Variants in ERBB2 observed in about 807,000 individuals in gnomAD.
ERBB2 encodes erb-b2 receptor tyrosine kinase 2.
In ERBB2, 61 loss-of-function variants were observed where a neutral mutation model predicts 149.0. The observed-to-expected ratio is 0.41, with a 90% CI of 0.33 to 0.51. The LOEUF (loss-of-function observed/expected upper bound fraction) is 0.51. ERBB2 is among the 20% of genes least tolerant of loss of function. The pLI is 0.25. For missense variants in ERBB2, 1,205 were observed against 1,655.1 expected (o/e 0.73, Z 4.72); for synonymous variants, 633 against 678.8 (o/e 0.93, Z 1.05).
chr17:39,694,772 G>A (rs1476179899), upstream of ERBB2: 1 of 152,216 alleles, frequency 6.6e-6, no homozygotes, highest in Non-Finnish European at 1.5e-5. Context: ...AGCAAGTCGA[G>A]TGAGCAAGTG....
At chr17:39,689,187 T>C (rs1358455841) in intron 2 of ERBB2, among the ~76,000 whole-genome samples, 1 of 152,202 alleles carries the variant, frequency 6.6e-6, no homozygotes, top group Non-Finnish European at 1.5e-5. Flanking sequence ...AGTCCTTAGC[T>C]CTAGCACCTT....
At position 39,723,359 on chromosome 17, in the gene ERBB2, C is replaced by T. The variant is rs2145803609; in HGVS notation, c.1987C>T (p.Leu663=). Residue 663 remains leucine, a synonymous_variant, in exon 17 of 27, where the codon CTG becomes TTG. Transcript: ENST00000269571. The surrounding 1 kb of genome is among the most constrained non-coding windows in gnomAD (Gnocchi z 6.2). ...CATCTCTGCGGTGGTTGGCATTCTG[C>T]TGGTCGTGGTCTTGGGGGTGGTCTT... The part of the protein sequence containing the change: ...SIISAVVGIL[L]VVVLGVVFGI... 6.2e-7 allele frequency: 1 copy of T among 1,614,026 alleles called. No individual in the cohort carries two copies. Among genetic ancestry groups the T allele is most frequent in the East Asian group, 2.2e-5 (1 of 44,872 alleles).
At chr17:39,719,752 TC>T in intron 15 of ERBB2, 34 bp from the exon 16 acceptor site, 1 of 1,611,424 alleles carries the variant, frequency 6.2e-7, no homozygotes, top group Non-Finnish European at 8.5e-7. Context: ...AGAGGGTGGT[TC>T]CCAGAATTGT....
Position 39,715,727 on chromosome 17 carries a change from C to A in ERBB2, c.1314-13C>A, listed in dbSNP as rs757772631. ...AAGGGGTCCGTGGTAAGGTGCCCAC[C>A]TTTCTCCCATAGTGGCGCCTACTCG... On this transcript the variant is annotated splice_polypyrimidine_tract_variant and intron_variant, in intron 11 of 26. Coordinates refer to ENST00000269571, the MANE Select transcript of ERBB2 (RefSeq NM_004448.4). The A allele has an allele frequency of 1.9e-6, 3 of 1,605,514 alleles. No homozygotes were observed.
intron 7 of ERBB2, 63 bp from the exon 8 acceptor site, chr17:39,711,865 A>G (rs2058816734): frequency 6.2e-7 from 1 of 1,606,524 alleles, no homozygotes; most frequent in Non-Finnish European, 8.5e-7. Context: ...GGGCACGGTA[A>G]TGCTGCTCAT....
Position 39,707,089 on chromosome 17 carries a change from G to T in ERBB2, c.173G>T (p.Gly58Val). 1 of 1,605,680 alleles carries T rather than the reference G, an allele frequency of 6.2e-7. No homozygotes were observed. The highest frequency in any genetic ancestry group is 8.5e-7 in the Non-Finnish European group (1 of 1,176,230). ...HLYQGCQVVQ[G>V]NLELTYLPTN... ...TACCAGGGCTGCCAGGTGGTGCAGG[G>T]AAACCTGGAACTCACCTACCTGCCC... Residue 58 changes from glycine to valine, a missense_variant, in exon 2 of 27, where the codon GGA (glycine) becomes GTA (valine). Coordinates refer to ENST00000269571, the MANE Select transcript of ERBB2 (RefSeq NM_004448.4).
Position 39,711,877 on chromosome 17 carries a change from G to T in ERBB2, c.902-51G>T, listed in dbSNP as rs763519406. Reference sequence around the variant, plus strand: ...CCTGGGCACGGTAATGCTGCTCATGGTGGTGCACGAAGGGCCAGGGTATGT... The same window carrying T: ...CCTGGGCACGGTAATGCTGCTCATGTTGGTGCACGAAGGGCCAGGGTATGT... On this transcript the variant is annotated intron_variant, in intron 7 of 26. Coordinates refer to ENST00000269571, the MANE Select transcript of ERBB2 (RefSeq NM_004448.4). 3.1e-6 allele frequency: 5 copies of T among 1,611,638 alleles called. No homozygotes were observed. The African/African-American group carries it at 6.7e-5, about 22-fold the overall frequency.
upstream of ERBB2, among the ~76,000 whole-genome samples, chr17:39,697,783 C>G (rs954323275): frequency 7.9e-5 from 12 of 151,552 alleles, no homozygotes; most frequent in African/African-American, 2.7e-4. Flanking sequence ...AACCTCTGCC[C>G]TCTGAGTTCA....
chr17:39,725,472 G>T lies in ERBB2; in HGVS notation c.2725+70G>T, dbSNP rs2059700852. 6.6e-7 allele frequency: 1 copy of T among 1,512,512 alleles called. No individual in the cohort carries two copies. The highest frequency in any genetic ancestry group is 1.1e-5 in the South Asian group (1 of 88,018). The allele number at this position is 1,512,512 out of a possible 1,614,324, so 93.7% of individuals were successfully genotyped here. On this transcript the variant is annotated intron_variant, in intron 22 of 26. Transcript: ENST00000269571. This position sits in a 1 kb window ranked among gnomAD's most constrained non-coding sequence, Gnocchi z 4.6. ...CTGGAGGGAGGATGAGAGCTGGGAT[G>T]GGGAGAATTACGGGGCCACCTCAGC...
upstream of ERBB2, among the ~76,000 whole-genome samples, chr17:39,697,307 C>T (rs967070696): frequency 6.6e-6 from 1 of 151,836 alleles, no homozygotes; most frequent in Non-Finnish European, 1.5e-5. Flanking sequence ...TACAAAACTC[C>T]ACCTTATCCT....
chr17:39,709,998 G>T, intron 5 of ERBB2, 88 bp from the exon 6 acceptor site: 2 of 1,493,006 alleles, frequency 1.3e-6, no homozygotes. Flanking sequence ...GTCTCCCCTG[G>T]GCCAGGTAGT....
chr17:39,700,403 G>A, intron 1 of ERBB2, 92 bp downstream of exon 1: 1 of 1,032,376 alleles, frequency 9.7e-7, no homozygotes, highest in Non-Finnish European at 1.3e-6. Context: ...GGCCAGAGGG[G>A]CCCGGACGAG....
intron 11 of ERBB2, 62 bp from the exon 12 acceptor site, chr17:39,715,678 T>C: frequency 6.5e-7 from 1 of 1,536,240 alleles, no homozygotes; most frequent in Non-Finnish European, 9.0e-7. Flanking sequence ...TGGAGGAAGA[T>C]GAGAATAGCC....
Position 39,700,191 on chromosome 17 carries a change from C to G in ERBB2, c.-48C>G. ...GCAGCACCCCGCGCCCCGCGCCCTCCCAGCCGGGTCCAGCCGGAGCCATGG... is the reference window on the plus strand; with the variant it reads ...GCAGCACCCCGCGCCCCGCGCCCTCGCAGCCGGGTCCAGCCGGAGCCATGG... On this transcript the variant is annotated 5_prime_UTR_variant, in exon 1 of 27. Coordinates refer to ENST00000269571, the MANE Select transcript of ERBB2 (RefSeq NM_004448.4). 7.2e-7 allele frequency: 1 copy of G among 1,390,380 alleles called. No individual in the cohort carries two copies. The highest frequency in any genetic ancestry group is 1.6e-5 in the South Asian group (1 of 61,446). 86.1% of individuals were successfully genotyped at this position (1,390,380 alleles called of 1,614,324 possible).
Position 39,710,104 on chromosome 17 carries a change from C to A in ERBB2, c.662C>A (p.Ala221Asp). ...CCAACAGTGACGCGCACTGTCTGTG[C>A]CGGTGGCTGTGCCCGCTGCAAGGGG... is the stretch of plus-strand genomic sequence containing the variant. Reference protein sequence around the residue: ...DCQSLTRTVCAGGCARCKGPL... With the variant: ...DCQSLTRTVCDGGCARCKGPL... Residue 221 changes from alanine (A) to aspartate (D), a missense_variant, in exon 6 of 27, where the codon GCC becomes GAC. By Grantham distance (126) the Ala-to-Asp change is moderately radical. Coordinates refer to ENST00000269571, the MANE Select transcript of ERBB2 (RefSeq NM_004448.4). 6.2e-7 allele frequency: 1 copy of A among 1,609,032 alleles called. No individual in the cohort carries two copies. The highest frequency in any genetic ancestry group is 8.5e-7 in the Non-Finnish European group (1 of 1,179,226).
At chr17:39,709,289 G>C (rs760325828) in intron 3 of ERBB2, 29 bp from the exon 4 acceptor site, 2 of 1,613,318 alleles carry the variant, frequency 1.2e-6, no homozygotes, top group Non-Finnish European at 1.7e-6. Context: ...GAAGGGGAAA[G>C]GGTCCTCTGA....
At chr17:39,721,259 GT>G (rs896079421) in intron 16 of ERBB2, among the ~76,000 whole-genome samples, 1 of 131,896 alleles carries the variant, frequency 7.6e-6, no homozygotes, top group African/African-American at 2.8e-5. Flanking sequence ...GATGAGCCAA[GT>G]CTTTTTTTTT....
chr17:39,709,233 C>T (rs1047963231), intron 3 of ERBB2, 85 bp from the exon 4 acceptor site: 1 of 1,517,124 alleles, frequency 6.6e-7, no homozygotes, highest in Non-Finnish European at 9.0e-7. Context: ...AAGGCCTGCT[C>T]CTCTTTTAGA....
chr17:39,699,237 A>T (rs546625734), upstream of ERBB2, among the ~76,000 whole-genome samples: 1 of 152,202 alleles, frequency 6.6e-6, no homozygotes, highest in African/African-American at 2.4e-5. Flanking sequence ...AGGCGGGAGG[A>T]TCACCTGAGG....
Sources: allele counts gnomAD v4.1 joint callset (sites outside exome capture counted in the v4.1 genomes callset), GRCh38; gene constraint gnomAD v4.1.1; non-coding constraint Gnocchi (gnomAD v3.1); transcripts MANE v1.5; gene names NCBI Gene and HGNC (gene_info 2026-07-23, HGNC 2026-07-21).